Variants in KCNH2 observed in about 807,000 individuals in gnomAD.
The protein encoded by KCNH2 is voltage-gated inwardly rectifying potassium channel KCNH2.
Under a neutral mutation model 95.9 loss-of-function variants are expected in KCNH2, and 35 were observed. The ratio of observed to expected loss-of-function variants is 0.37; its 90% CI spans 0.28 to 0.48. The LOEUF (loss-of-function observed/expected upper bound fraction) is 0.48, where lower values mean the gene tolerates loss of function less well. Ranked by LOEUF, KCNH2 falls within the 20% of genes least tolerant of loss-of-function variation. The probability of loss-of-function intolerance (pLI) is 0.99; values close to 1 mark genes in which losing one functional copy is unlikely to be tolerated. For missense variants in KCNH2, 1,274 were observed against 1,702.9 expected, an observed-to-expected ratio of 0.75 and a Z score of 4.43; for synonymous variants, 786 against 754.7, an observed-to-expected ratio of 1.04 and a Z score of -0.68.
intron 2 of KCNH2, among the ~76,000 whole-genome samples, chr7:150,960,052 GATCTCATTTCCTCCCT>G: frequency 6.6e-6 from 1 of 152,072 alleles, no homozygotes; most frequent in South Asian, 2.1e-4. Context: ...TGCCATCTTT[GATCTCATTTCCTCCCT>G]ATCTCATTTC....
chr7:150,959,807 A>T, intron 2 of KCNH2, 71 bp from the exon 3 acceptor site: 3 of 1,573,974 alleles, frequency 1.9e-6, no homozygotes, highest in Non-Finnish European at 2.6e-6. Flanking sequence ...CGCAGGATGG[A>T]CCCTGGAACC....
At chr7:150,966,796 C>A (rs965113397) in intron 2 of KCNH2, among the ~76,000 whole-genome samples, 2 of 152,158 alleles carry the variant, frequency 1.3e-5, no homozygotes, top group African/African-American at 4.8e-5. Context: ...CAAAAGGGAA[C>A]AAAACCTTAA....
intron 1 of KCNH2, among the ~76,000 whole-genome samples, chr7:150,976,502 T>C (rs1159525707): frequency 6.6e-6 from 1 of 152,042 alleles, no homozygotes; most frequent in African/African-American, 2.4e-5. Flanking sequence ...CCCAGCTTCA[T>C]AGAAGAAAAA....
intron 8 of KCNH2, 73 bp downstream of exon 8, chr7:150,950,848 T>G: frequency 1.4e-6 from 2 of 1,474,730 alleles, no homozygotes; most frequent in Non-Finnish European, 1.9e-6. Flanking sequence ...TTGTTTGCTG[T>G]GCCAAGAGGT....
chr7:150,949,353 A>AT, intron 9 of KCNH2: 1 of 1,282,224 alleles, frequency 7.8e-7, no homozygotes, highest in Non-Finnish European at 9.9e-7. Context: ...CTGCACCCTT[A>AT]TAAGCAATGT....
In KCNH2 at chr7:150,948,945, G is replaced by T. The variant is rs199473003; in HGVS notation, c.2503C>A (p.Arg835=). Residue 835 remains arginine (R), a synonymous_variant, in exon 10 of 15, where the codon CGG becomes AGG. Transcript: ENST00000262186. ...TCCAGCACCTCCAGCAGGTCGTCCC[G>T]ATGGATCTTGTGTAGGTCACAGTAG... ...LTYCDLHKIH[R]DDLLEVLDMY... 2 of 1,614,190 alleles carry T rather than the reference G, an allele frequency of 1.2e-6. No individual in the cohort carries two copies. Among genetic ancestry groups the T allele is most frequent in the South Asian group, 2.2e-5 (2 of 91,088 alleles).
At position 150,962,944 on chromosome 7, in the gene KCNH2, A is replaced by G. The variant is rs1367693673; in HGVS notation, c.308-3208T>C. Among the ~76,000 whole-genome samples, 1 of 152,166 alleles carries G rather than the reference A, an allele frequency of 6.6e-6. No homozygotes were observed. Among genetic ancestry groups the G allele is most frequent in the Non-Finnish European group, 1.5e-5 (1 of 68,016 alleles). On this transcript the variant is annotated intron_variant, in intron 2 of 14. Coordinates refer to ENST00000262186, the MANE Select transcript of KCNH2 (RefSeq NM_000238.4). The surrounding 1 kb of genome is among the most constrained non-coding windows in gnomAD (Gnocchi z 5.7). Reference sequence around the variant, plus strand: ...TCCCAGCTCTTCAGCCAGGCCTCCCAGCCAGACTCCATCCCACCACTGGCT... The same window carrying G: ...TCCCAGCTCTTCAGCCAGGCCTCCCGGCCAGACTCCATCCCACCACTGGCT...
intron 9 of KCNH2, chr7:150,949,872 C>T: frequency 7.4e-7 from 1 of 1,358,168 alleles, no homozygotes; most frequent in Admixed American, 2.5e-5. Context: ...TCCTCTACTG[C>T]CCAGGCTAGA....
intron 11 of KCNH2, among the ~76,000 whole-genome samples, chr7:150,948,191 AC>A (rs1800990367): frequency 6.6e-6 from 1 of 151,974 alleles, no homozygotes; most frequent in African/African-American, 2.4e-5. Context: ...GCTCACAGAG[AC>A]CCCAGCCCTG....
In KCNH2 at chr7:150,947,711, GGA is replaced by G; in HGVS notation, c.2858_2859del (p.Leu953ProfsTer165). 6.3e-7 allele frequency: 1 copy of G among 1,580,332 alleles called. No individual in the cohort carries two copies. Among genetic ancestry groups the G allele is most frequent in the Non-Finnish European group, 8.6e-7 (1 of 1,165,360 alleles). On this transcript the variant is annotated frameshift_variant, in exon 12 of 15. Transcript: ENST00000262186. LOFTEE classifies it high-confidence loss of function. ...DEGPGRSSSPLRLVPFSSPRP... is the reference protein window; with the variant it reads ...DEGPGRSSSPXRLVPFSSPRP... ...CTGGGGCTGGAGAAGGGCACCAGGC[GGA>G]GGGGGCTGGAGCTGCGGCCTGGGCC...
At chr7:150,966,381 TCCC>T (rs1175607435) in intron 2 of KCNH2, among the ~76,000 whole-genome samples, 1 of 36,928 alleles carries the variant, frequency 2.7e-5, no homozygotes, top group Non-Finnish European at 4.8e-5. Context: ...ATTTGCCCCC[TCCC>T]CCCCCCCCAC....
Position 150,947,365 on chromosome 7 carries a change from C to G in KCNH2, c.3115G>C (p.Glu1039Gln). 6.5e-7 allele frequency: 1 copy of G among 1,546,704 alleles called. No individual in the cohort carries two copies. Among genetic ancestry groups the G allele is most frequent in the Non-Finnish European group, 8.7e-7 (1 of 1,146,972 alleles). ...SPGRRPRGDV[E>Q]SRLDALQRQL... ...CGCTGGAGGGCATCCAGCCTGCTCTCCACGTCGCCCCGGGGCCGCCGACCC... is the reference window on the plus strand; with the variant it reads ...CGCTGGAGGGCATCCAGCCTGCTCTGCACGTCGCCCCGGGGCCGCCGACCC... Residue 1039 changes from glutamate (E) to glutamine (Q), a missense_variant, in exon 13 of 15, where the codon GAG becomes CAG. Glu to Gln is a conservative substitution (Grantham distance 29). Around this residue, in one of 7 missense-constraint regions of KCNH2, gnomAD observed 457 missense variants for 416.1 expected, o/e 1.10. Transcript: ENST00000262186.
intron 2 of KCNH2, among the ~76,000 whole-genome samples, chr7:150,971,139 C>T (rs543535440): frequency 2.6e-5 from 4 of 152,254 alleles, no homozygotes; most frequent in South Asian, 2.1e-4. Context: ...ACAGGACAGA[C>T]GGCCTTGGGG....
At chr7:150,949,522 A>G in intron 9 of KCNH2, 1 of 817,998 alleles carries the variant, frequency 1.2e-6, no homozygotes, top group East Asian at 8.7e-5. Flanking sequence ...AGTGTTATGT[A>G]GTGAAACTTT....
Position 150,947,072 on chromosome 7 carries a change from G to T in KCNH2, c.3153-18C>A. On this transcript the variant is annotated intron_variant, in intron 13 of 14. Coordinates refer to ENST00000262186, the MANE Select transcript of KCNH2 (RefSeq NM_000238.4). ...TCTCCAGCCTGGGGCAGGAAGTGGG[G>T]GATGCTCAGAGAAGTGGGGACACCA... is the stretch of plus-strand genomic sequence containing the variant. 6.3e-7 allele frequency: 1 copy of T among 1,577,226 alleles called. No individual in the cohort carries two copies. The highest frequency in any genetic ancestry group is 1.2e-5 in the South Asian group (1 of 86,160).
In KCNH2 at chr7:150,947,467, G is replaced by C; in HGVS notation, c.3013C>G (p.Arg1005Gly). Reference sequence around the variant, plus strand: ...GGGAGCTCCTGGTACTGGCGGCCCCGACTGTCCCCCCAGAAGCTGAAAATG... The same window carrying C: ...GGGAGCTCCTGGTACTGGCGGCCCCCACTGTCCCCCCAGAAGCTGAAAATG... ...SNIFSFWGDS[R>G]GRQYQELPRC... The change falls in exon 13 of 15, where the codon CGG becomes GGG. Residue 1005 changes from arginine (R) to glycine (G), a missense_variant. Physicochemically the swap from Arg to Gly is moderately radical, Grantham distance 125 (BLOSUM62 -2). Transcript: ENST00000262186. 6.4e-7 allele frequency: 1 copy of C among 1,573,780 alleles called. No homozygotes were observed.
At chr7:150,955,166 T>C (rs1801323864) in intron 5 of KCNH2, among the ~76,000 whole-genome samples, 1 of 152,344 alleles carries the variant, frequency 6.6e-6, no homozygotes, top group Non-Finnish European at 1.5e-5. Context: ...CTGTGGGCCA[T>C]GGCAGGCACA....
At chr7:150,948,341 GA>G in intron 11 of KCNH2, 102 bp downstream of exon 11, 1 of 921,298 alleles carries the variant, frequency 1.1e-6, no homozygotes, top group Non-Finnish European at 1.7e-6. Context: ...GAAGGGATGG[GA>G]AGGTCTGAGG....
rs139171466 is a variant in KCNH2 at position 150,962,096 on chromosome 7, C to T, written c.308-2360G>A. On this transcript the variant is annotated intron_variant, in intron 2 of 14. Transcript: ENST00000262186. This position sits in a 1 kb window ranked among gnomAD's most constrained non-coding sequence, Gnocchi z 5.7. ...GTCCCCTGACCTCTGGCCTCTGACA[C>T]ACAGCAGTGGTGTTGGAAGCTGCAG... is the stretch of plus-strand genomic sequence containing the variant. Among the ~76,000 whole-genome samples, 5 of 152,348 alleles carry T rather than the reference C, an allele frequency of 3.3e-5. No individual in the cohort carries two copies. The highest frequency in any genetic ancestry group is 9.6e-5 in the African/African-American group (4 of 41,582).
Sources: allele counts gnomAD v4.1 joint callset (sites outside exome capture counted in the v4.1 genomes callset), GRCh38; gene constraint gnomAD v4.1.1; regional missense constraint gnomAD v4.1.1; non-coding constraint Gnocchi (gnomAD v3.1); transcripts MANE v1.5; gene names NCBI Gene and HGNC (gene_info 2026-07-23, HGNC 2026-07-21).